Variants in SCTR observed in about 807,000 individuals in gnomAD.
SCTR encodes the protein pancreatic secretin receptor.
In SCTR, 56 loss-of-function variants were observed where a neutral mutation model predicts 60.8. That is an observed-to-expected ratio of 0.92 (90% CI 0.74 to 1.15). The LOEUF is 1.15. Among genes scored for constraint, SCTR ranks in the 50% most tolerant of loss-of-function variants. The pLI is 0.00. For missense variants in SCTR, 562 were observed against 550.4 expected, an observed-to-expected ratio of 1.02 and a Z score of -0.21; for synonymous variants, 202 against 217.0, an observed-to-expected ratio of 0.93 and a Z score of 0.61.
intron 2 of SCTR, 34 bp downstream of exon 2, chr2:119,494,394 C>A (rs763620613): frequency 1.2e-5 from 20 of 1,609,182 alleles, no homozygotes; most frequent in Non-Finnish European, 1.1e-5. Flanking sequence ...GCTCCACCCC[C>A]AAGAGAGGAC....
At chr2:119,481,192 G>A (rs1210773584) in intron 2 of SCTR, among the ~76,000 whole-genome samples, 2 of 152,254 alleles carry the variant, frequency 1.3e-5, no homozygotes, top group Non-Finnish European at 1.5e-5. Flanking sequence ...GATGCGGTGT[G>A]CAGACATTGC....
intron 4 of SCTR, among the ~76,000 whole-genome samples, chr2:119,467,035 T>TTTG (rs1683864121): frequency 6.6e-6 from 1 of 152,178 alleles, no homozygotes; most frequent in African/African-American, 2.4e-5. Context: ...CACTTCACAC[T>TTTG]ATTGGCTCAT....
intron 4 of SCTR, among the ~76,000 whole-genome samples, chr2:119,472,085 A>G (rs1185768533): frequency 1.3e-5 from 2 of 152,204 alleles, no homozygotes; most frequent in Admixed American, 1.3e-4. Flanking sequence ...TTTTGCCCAG[A>G]CCCAACCCTG....
intron 3 of SCTR, among the ~76,000 whole-genome samples, chr2:119,476,067 C>T (rs1677284243): frequency 6.6e-6 from 1 of 152,122 alleles, no homozygotes; most frequent in Non-Finnish European, 1.5e-5. Flanking sequence ...CTGTCAGGAC[C>T]CATGTAGTAG....
Position 119,448,682 on chromosome 2 carries a change from CACTT to C in SCTR, c.1013+3_1013+6del, listed in dbSNP as rs770433184. The stretch of plus-strand genomic sequence containing the variant: ...TGACCATGCCTCAGTCTTTGCCCTT[CACTT>C]ACTTATAATGGCTGACTTCATTTCC... On this transcript the variant is annotated splice_donor_5th_base_variant and intron_variant, in intron 10 of 12. Coordinates refer to ENST00000019103, the MANE Select transcript of SCTR (RefSeq NM_002980.3). 4 of 1,514,582 alleles carry C rather than the reference CACTT, an allele frequency of 2.6e-6. No homozygotes were observed. In the Middle Eastern group the frequency reaches 5.1e-4, roughly 193 times the overall value. 93.8% of individuals were successfully genotyped at this position (1,514,582 alleles called of 1,614,324 possible). A position where few individuals can be genotyped will look rare whatever the true frequency, so the allele number is the denominator to read the frequency against.
intron 8 of SCTR, 75 bp downstream of exon 8, chr2:119,453,212 A>G (rs886098480): frequency 8.4e-7 from 1 of 1,183,496 alleles, no homozygotes; most frequent in African/African-American, 1.5e-5. Flanking sequence ...AGATAGCTCC[A>G]AAGAAGTAAC....
chr2:119,500,334 A>G (rs1230051951), intron 1 of SCTR, among the ~76,000 whole-genome samples: 1 of 152,224 alleles, frequency 6.6e-6, no homozygotes, highest in Non-Finnish European at 1.5e-5. Flanking sequence ...AAAACTAAAA[A>G]TAGAACTACC....
intron 1 of SCTR, among the ~76,000 whole-genome samples, chr2:119,511,475 AT>A (rs1401914767): frequency 2.6e-5 from 4 of 152,040 alleles, no homozygotes; most frequent in Non-Finnish European, 5.9e-5. Context: ...TTTCTTGTAC[AT>A]TTTGTTTTTC....
intron 1 of SCTR, among the ~76,000 whole-genome samples, chr2:119,504,022 A>T (rs1274551080): frequency 6.6e-6 from 1 of 152,218 alleles, no homozygotes; most frequent in Non-Finnish European, 1.5e-5. Flanking sequence ...AAGATGTATT[A>T]TACAGGTACA....
At chr2:119,494,660 C>A (rs1160155168) in intron 1 of SCTR, 112 bp from the exon 2 acceptor site, 2 of 1,135,172 alleles carry the variant, frequency 1.8e-6, no homozygotes, top group African/African-American at 1.5e-5. Flanking sequence ...TAAAGCAAAG[C>A]CCTTGCCTGC....
intron 3 of SCTR, 34 bp downstream of exon 3, chr2:119,478,777 C>A (rs373006130): frequency 8.6e-5 from 138 of 1,606,858 alleles, no homozygotes; most frequent in Middle Eastern, 6.6e-4. Flanking sequence ...CACCCCTCAG[C>A]CTGTCCGCCA....
intron 1 of SCTR, among the ~76,000 whole-genome samples, chr2:119,518,702 A>G (rs773179476): frequency 2.4e-4 from 37 of 152,196 alleles, no homozygotes; most frequent in Non-Finnish European, 4.0e-4. Context: ...AGTGAAGGTC[A>G]GTGGTGAGAA....
chr2:119,465,168 G>C (rs1033469062), intron 5 of SCTR, among the ~76,000 whole-genome samples: 4 of 152,152 alleles, frequency 2.6e-5, no homozygotes, highest in Non-Finnish European at 5.9e-5. Context: ...CCTAAGCCCG[G>C]CCTATGAGAA....
chr2:119,471,578 A>G (rs1464805100), intron 4 of SCTR, among the ~76,000 whole-genome samples: 2 of 152,140 alleles, frequency 1.3e-5, no homozygotes, highest in Non-Finnish European at 2.9e-5. Flanking sequence ...AATGCAGAAG[A>G]CGGGGTGCTC....
intron 9 of SCTR, among the ~76,000 whole-genome samples, chr2:119,450,372 T>A (rs1683115780): frequency 6.6e-6 from 1 of 152,136 alleles, no homozygotes; most frequent in Non-Finnish European, 1.5e-5. Flanking sequence ...AGGGTTGTCC[T>A]GGGCTGGGCT....
chr2:119,482,192 A>G (rs1677640930), intron 2 of SCTR, among the ~76,000 whole-genome samples: 1 of 152,126 alleles, frequency 6.6e-6, no homozygotes, highest in Admixed American at 6.6e-5. Context: ...CTGGAGAGGG[A>G]CAGAAGGGGT....
At chr2:119,489,940 C>T (rs1375636608) in intron 2 of SCTR, among the ~76,000 whole-genome samples, 2 of 152,232 alleles carry the variant, frequency 1.3e-5, no homozygotes, top group Non-Finnish European at 2.9e-5. Flanking sequence ...ATCAGCCCCA[C>T]CAGAGACTCC....
At chr2:119,505,228 C>T (rs1678695710) in intron 1 of SCTR, among the ~76,000 whole-genome samples, 2 of 148,664 alleles carry the variant, frequency 1.3e-5, no homozygotes, top group Non-Finnish European at 3.0e-5. Context: ...GACACATGCA[C>T]ACATATGTTT....
intron 1 of SCTR, among the ~76,000 whole-genome samples, chr2:119,518,790 G>A (rs11678845): frequency 0.22 from 34,108 of 151,994 alleles, 4,138 homozygotes; most frequent in Non-Finnish European, 0.26. Flanking sequence ...GGTGGAGCTC[G>A]AATCCCAGAT....
Sources: gnomAD v4.1 joint callset for allele counts (sites outside exome capture counted in the v4.1 genomes callset) on GRCh38, gnomAD v4.1.1 for gene constraint, MANE v1.5 for transcripts, NCBI Gene and HGNC (gene_info 2026-07-23, HGNC 2026-07-21) for gene names.